HERC4: variants seen among roughly 807,000 people sequenced by gnomAD.
HERC4 encodes the protein HECT and RLD domain containing E3 ubiquitin protein ligase 4.
Under a neutral mutation model 124.3 loss-of-function variants are expected in HERC4, and 28 were observed. The ratio of observed to expected loss-of-function variants is 0.23; its 90% CI spans 0.17 to 0.31. HERC4 has a LOEUF of 0.31. HERC4 is among the 10% of genes least tolerant of loss of function. The probability of loss-of-function intolerance (pLI) is 1.00; values close to 1 mark genes in which losing one functional copy is unlikely to be tolerated. For synonymous variants in HERC4, 407 were observed against 421.5 expected (o/e 0.97, Z 0.42); for missense variants, 713 against 1,229.3 (o/e 0.58, Z 6.28).
intron 8 of HERC4, among the ~76,000 whole-genome samples, chr10:68,020,695 G>A (rs2038567359): frequency 6.6e-6 from 1 of 151,504 alleles, no homozygotes; most frequent in African/African-American, 2.4e-5. Flanking sequence ...CGTGAACCCG[G>A]GAGGCGGAGC....
chr10:68,063,163 A>G (rs997049741), intron 3 of HERC4, among the ~76,000 whole-genome samples: 28 of 152,182 alleles, frequency 1.8e-4, no homozygotes, highest in African/African-American at 6.7e-4. Context: ...ATTAAATGAT[A>G]TTCATCATGT....
chr10:67,990,188 A>C, intron 14 of HERC4, 23 bp downstream of exon 14: 1 of 1,564,266 alleles, frequency 6.4e-7, no homozygotes, highest in Non-Finnish European at 8.7e-7. Context: ...AGGTTTCAAA[A>C]GAAAAAATAT....
At chr10:68,065,541 C>T (rs1041667607) in intron 3 of HERC4, among the ~76,000 whole-genome samples, 1 of 152,012 alleles carries the variant, frequency 6.6e-6, no homozygotes, top group South Asian at 2.1e-4. Flanking sequence ...AATAAGCCAC[C>T]GAAATGCAAG....
chr10:68,019,776 C>T (rs1564554871), intron 8 of HERC4, among the ~76,000 whole-genome samples: 1 of 152,162 alleles, frequency 6.6e-6, no homozygotes, highest in African/African-American at 2.4e-5. Flanking sequence ...AGCCTGTATG[C>T]AACTTGTAGA....
chr10:68,023,648 T>C (rs1233792460), intron 8 of HERC4, among the ~76,000 whole-genome samples: 3 of 152,208 alleles, frequency 2.0e-5, no homozygotes, highest in Admixed American at 2.0e-4. Flanking sequence ...TTCACAACAA[T>C]ATTAATGTAC....
intron 3 of HERC4, among the ~76,000 whole-genome samples, chr10:68,051,958 C>T (rs1449059161): frequency 6.6e-6 from 1 of 151,834 alleles, no homozygotes; most frequent in African/African-American, 2.4e-5. Flanking sequence ...CATGAGCCAC[C>T]GCGCCCAGCC....
In HERC4 at chr10:68,032,849, G is replaced by A; in HGVS notation, c.706C>T (p.Leu236=). 1 of 1,545,248 alleles carries A rather than the reference G, an allele frequency of 6.5e-7. No individual in the cohort carries two copies. Among genetic ancestry groups the A allele is most frequent in the Non-Finnish European group, 8.9e-7 (1 of 1,117,462 alleles). ...DENDRYVPNL[L]KSLRSQKIVY... ...ATTTTCTGAGATCTTAGTGACTTTA[G>A]TAAATTAGGAACATACCTATCTGAA... The change falls in exon 7 of 25, where the codon CTA becomes TTA. Residue 236 remains leucine, a synonymous_variant. Transcript: ENST00000373700.
At chr10:68,036,732 C>A (rs2039492275) in intron 5 of HERC4, among the ~76,000 whole-genome samples, 1 of 152,162 alleles carries the variant, frequency 6.6e-6, no homozygotes, top group Non-Finnish European at 1.5e-5. Context: ...AACATTTCTC[C>A]TTGTTCTTCT....
chr10:67,955,952 C>T (rs1374243020), intron 17 of HERC4: 1 of 151,862 alleles, frequency 6.6e-6, no homozygotes, highest in Admixed American at 6.6e-5. Flanking sequence ...ATGGAATATC[C>T]CATGGTAAAA....
At chr10:68,044,603 G>A (rs1383849126) in intron 3 of HERC4, 40 bp from the exon 4 acceptor site, 2 of 1,566,940 alleles carry the variant, frequency 1.3e-6, no homozygotes, top group Admixed American at 1.8e-5. Flanking sequence ...TTCTAGTACA[G>A]AAATCAAGGA....
At chr10:67,994,773 G>T (rs914846067) in intron 9 of HERC4, 4 of 152,072 alleles carry the variant, frequency 2.6e-5, no homozygotes, top group African/African-American at 9.7e-5. Flanking sequence ...TGTCGCCCGG[G>T]TTGGAGTGCA....
At chr10:67,947,599 T>C (rs2132221654) in intron 19 of HERC4, among the ~76,000 whole-genome samples, 1 of 152,210 alleles carries the variant, frequency 6.6e-6, no homozygotes, top group African/African-American at 2.4e-5. Context: ...TATAAACCAA[T>C]AAGACCTATC....
chr10:67,990,831 G>T, intron 13 of HERC4, 73 bp downstream of exon 13: 2 of 852,626 alleles, frequency 2.3e-6, no homozygotes, highest in Non-Finnish European at 3.6e-6. Context: ...AGTAAATTAG[G>T]CTATAAACGT....
chr10:67,932,688 C>G lies in HERC4; in HGVS notation c.2747G>C (p.Cys916Ser), dbSNP rs757019007. 1 of 1,606,530 alleles carries G rather than the reference C, an allele frequency of 6.2e-7. No homozygotes were observed. The highest frequency in any genetic ancestry group is 1.7e-4 in the Middle Eastern group (1 of 6,048). The change falls in exon 23 of 25, where the codon TGT becomes TCT. Residue 916 changes from cysteine (C) to serine (S), a missense_variant. Transcript: ENST00000373700. ...AAAGAGCAGAAGGACTTTTCCTCCA[C>G]AGACCTTATGAAAGCCCGCATGAAA... ...DAFHAGFHKV[C>S]GGKVLLLFQP...
intron 15 of HERC4, among the ~76,000 whole-genome samples, chr10:67,987,088 T>C (rs2036305291): frequency 6.6e-6 from 1 of 152,200 alleles, no homozygotes; most frequent in Non-Finnish European, 1.5e-5. Flanking sequence ...AAATTTTCCC[T>C]TCCCCTTCAA....
chr10:67,958,048 C>G (rs1371497930), intron 16 of HERC4, among the ~76,000 whole-genome samples: 1 of 152,108 alleles, frequency 6.6e-6, no homozygotes, highest in Non-Finnish European at 1.5e-5. Flanking sequence ...ACCTCATGAT[C>G]CGCCCACCTC....
intron 16 of HERC4, among the ~76,000 whole-genome samples, chr10:67,957,268 C>T (rs1016959374): frequency 2.3e-4 from 35 of 152,130 alleles, no homozygotes; most frequent in African/African-American, 8.2e-4. Flanking sequence ...AATGAGGTTG[C>T]AAATTTGTTC....
intron 15 of HERC4, among the ~76,000 whole-genome samples, chr10:67,970,855 A>C (rs745392144): frequency 1.3e-4 from 20 of 152,118 alleles, no homozygotes; most frequent in Non-Finnish European, 2.2e-4. Context: ...TGCTTTAAGA[A>C]TCTAGAAAAA....
chr10:67,934,499 G>C (rs1169491232), intron 22 of HERC4, among the ~76,000 whole-genome samples: 1 of 152,056 alleles, frequency 6.6e-6, no homozygotes, highest in African/African-American at 2.4e-5. Context: ...TCCTGGTGGT[G>C]GTGGTGGTTG....
Sources: gnomAD v4.1 joint callset for allele counts (sites outside exome capture counted in the v4.1 genomes callset) on GRCh38, gnomAD v4.1.1 for gene constraint, MANE v1.5 for transcripts, NCBI Gene and HGNC (gene_info 2026-07-23, HGNC 2026-07-21) for gene names.